The following ADAM9 variants were observed in gnomAD, a reference collection of about 807,000 sequenced individuals.
The protein encoded by ADAM9 is ADAM metallopeptidase domain 9.
A neutral mutation model predicts 108.1 loss-of-function variants in ADAM9; 54 were observed. The ratio of observed to expected loss-of-function variants is 0.50; its 90% CI spans 0.40 to 0.63. The LOEUF is 0.63. Ranked by LOEUF, ADAM9 falls within the 20% of genes least tolerant of loss-of-function variation. ADAM9 has a pLI of 0.00. For synonymous variants in ADAM9, 316 were observed against 336.0 expected (o/e 0.94, Z 0.65); for missense variants, 830 against 997.7 (o/e 0.83, Z 2.26).
intron 18 of ADAM9, among the ~76,000 whole-genome samples, chr8:39,084,671 A>G (rs1839131166): frequency 6.6e-6 from 1 of 151,920 alleles, no homozygotes; most frequent in South Asian, 2.1e-4. Context: ...TGCGTATTCT[A>G]CTATTCTTAG....
chr8:39,097,311 T>G (rs1161057662), intron 20 of ADAM9, among the ~76,000 whole-genome samples: 4 of 147,236 alleles, frequency 2.7e-5, no homozygotes, highest in Non-Finnish European at 6.0e-5. Context: ...CTCTCTGACT[T>G]TTTTTTTTTT....
intron 1 of ADAM9, among the ~76,000 whole-genome samples, chr8:39,007,304 C>G (rs1418325026): frequency 1.3e-5 from 2 of 152,212 alleles, no homozygotes; most frequent in African/African-American, 4.8e-5. Context: ...CATGAGGGAT[C>G]CACTTCAATG....
intron 2 of ADAM9, among the ~76,000 whole-genome samples, chr8:39,010,596 G>A (rs373565364): frequency 2.6e-4 from 39 of 152,308 alleles, no homozygotes; most frequent in Admixed American, 1.8e-3. Context: ...GAGTTAAGGC[G>A]AAGTCACATC....
In ADAM9 at chr8:39,102,257, G is replaced by A. The variant is rs184262214; in HGVS notation, c.2366+327G>A. Among the ~76,000 whole-genome samples the A allele has an allele frequency of 4.2e-4, 64 of 152,222 alleles. 1 individual carries two copies. The highest frequency in any genetic ancestry group is 1.4e-3 in the African/African-American group (60 of 41,534). On this transcript the variant is annotated intron_variant, in intron 21 of 21. Transcript: ENST00000487273. Reference sequence around the variant, plus strand: ...TGGAACAGCCTTCCCGTCAAAAACAGCTAAAAAAGCTGGACAATATAAGAA... The same window carrying A: ...TGGAACAGCCTTCCCGTCAAAAACAACTAAAAAAGCTGGACAATATAAGAA...
intron 12 of ADAM9, among the ~76,000 whole-genome samples, chr8:39,053,192 T>C (rs1167578215): frequency 6.6e-6 from 1 of 152,204 alleles, no homozygotes; most frequent in Non-Finnish European, 1.5e-5. Context: ...TTACTTATTG[T>C]TGAGTTTTGA....
intron 11 of ADAM9, among the ~76,000 whole-genome samples, chr8:39,029,725 A>G (rs1837040751): frequency 6.6e-6 from 1 of 152,162 alleles, no homozygotes; most frequent in Admixed American, 6.5e-5. Context: ...CCAGGTACAA[A>G]TCTCATTTGG....
chr8:39,013,968 C>A lies in ADAM9; in HGVS notation c.258C>A (p.Asp86Glu), dbSNP rs1172675801. Residue 86 changes from aspartate to glutamate, a missense_variant, in exon 4 of 22, where the codon GAC (aspartate) becomes GAA (glutamate). Physicochemically the swap from Asp to Glu is conservative, Grantham distance 45. This residue lies in a region of ADAM9 where 211 missense variants were observed against 222.2 expected (regional missense o/e 0.95). Coordinates refer to ENST00000487273, the MANE Select transcript of ADAM9 (RefSeq NM_003816.3). ...EHIIHLERNK[D>E]LLPEDFVVYT... ...CGGTGTTTTATTTCTCTTCCAGAGA[C>A]CTTTTGCCTGAAGATTTTGTGGTTT... 6.2e-7 allele frequency: 1 copy of A among 1,612,552 alleles called. No homozygotes were observed. The highest frequency in any genetic ancestry group is 8.5e-7 in the Non-Finnish European group (1 of 1,178,784).
chr8:39,055,856 T>C (rs775761319), intron 14 of ADAM9, 84 bp downstream of exon 14: 3 of 1,358,842 alleles, frequency 2.2e-6, no homozygotes, highest in Non-Finnish European at 3.0e-6. Context: ...TGAAACATTA[T>C]TGATAAAGTT....
At chr8:38,997,825 G>T (rs1835870461) in intron 1 of ADAM9, among the ~76,000 whole-genome samples, 1 of 152,164 alleles carries the variant, frequency 6.6e-6, no homozygotes, top group Admixed American at 6.5e-5. Context: ...TATTGGGTTC[G>T]TACTGTGTTA....
chr8:39,080,948 GTTTT>G (rs397808791), intron 16 of ADAM9, among the ~76,000 whole-genome samples: 1 of 108,766 alleles, frequency 9.2e-6, no homozygotes, highest in Non-Finnish European at 1.8e-5. Flanking sequence ...CACTGTGAGA[GTTTT>G]TTTTTTTTTT....
chr8:39,089,968 T>C (rs1412525023), intron 18 of ADAM9, 79 bp from the exon 19 acceptor site: 2 of 1,389,252 alleles, frequency 1.4e-6, no homozygotes, highest in Non-Finnish European at 2.0e-6. Flanking sequence ...TGAAAATTAA[T>C]GTAAAGTGTT....
chr8:39,045,879 CTT>C (rs879737714), intron 12 of ADAM9, among the ~76,000 whole-genome samples: 6 of 144,200 alleles, frequency 4.2e-5, no homozygotes, highest in Non-Finnish European at 3.0e-5. Context: ...CAAGATCAGC[CTT>C]TTTTTTTTTG....
intron 14 of ADAM9, among the ~76,000 whole-genome samples, chr8:39,059,184 A>G (rs1054769941): frequency 6.6e-6 from 1 of 152,222 alleles, no homozygotes; most frequent in African/African-American, 2.4e-5. Context: ...GGAATTCTGT[A>G]TGTCCACAGA....
chr8:39,022,652 G>A (rs747242143), intron 8 of ADAM9, among the ~76,000 whole-genome samples: 1 of 152,026 alleles, frequency 6.6e-6, no homozygotes, highest in Non-Finnish European at 1.5e-5. Flanking sequence ...TAAGGATTTC[G>A]AATCTCTGTT....
intron 20 of ADAM9, among the ~76,000 whole-genome samples, chr8:39,095,130 T>C (rs1204799148): frequency 1.3e-5 from 2 of 152,216 alleles, no homozygotes; most frequent in African/African-American, 2.4e-5. Context: ...TCTCAAGATA[T>C]AGTTGTTTCT....
chr8:39,070,625 G>A (rs1838652019), intron 14 of ADAM9, among the ~76,000 whole-genome samples: 2 of 152,086 alleles, frequency 1.3e-5, no homozygotes, highest in South Asian at 4.1e-4. Context: ...AAGCATGGTG[G>A]CGTGTACCTG....
At chr8:39,087,310 T>C (rs1269990644) in intron 18 of ADAM9, among the ~76,000 whole-genome samples, 3 of 152,222 alleles carry the variant, frequency 2.0e-5, no homozygotes, top group Non-Finnish European at 4.4e-5. Context: ...AAAACTGTTG[T>C]TTCATATATT....
chr8:39,065,238 A>T (rs1838422498), intron 14 of ADAM9, among the ~76,000 whole-genome samples: 3 of 142,594 alleles, frequency 2.1e-5, no homozygotes, highest in African/African-American at 5.4e-5. Context: ...CTACTTTCTG[A>T]GCAACTTCTT....
At chr8:39,004,633 TGGCACG>T (rs773163164) in intron 1 of ADAM9, among the ~76,000 whole-genome samples, 4 of 152,172 alleles carry the variant, frequency 2.6e-5, no homozygotes, top group Non-Finnish European at 4.4e-5. Context: ...AGCAGAACAG[TGGCACG>T]GGCTGCTCAG....
Sources: gnomAD v4.1 joint callset for allele counts (sites outside exome capture counted in the v4.1 genomes callset) on GRCh38, gnomAD v4.1.1 for gene constraint, gnomAD v4.1.1 regional missense constraint, MANE v1.5 for transcripts, NCBI Gene and HGNC (gene_info 2026-07-23, HGNC 2026-07-21) for gene names.